PTP4A1: variants seen among roughly 807,000 people sequenced by gnomAD.
PTP4A1 encodes the protein protein tyrosine phosphatase 4A1.
In PTP4A1, 9 loss-of-function variants were observed where a neutral mutation model predicts 20.5. The ratio of observed to expected loss-of-function variants is 0.44; its 90% CI spans 0.26 to 0.77. PTP4A1 has a LOEUF of 0.77. Among genes scored for constraint, PTP4A1 ranks in the 30% least tolerant of loss-of-function variants. The pLI is 0.19. For missense variants in PTP4A1, 137 were observed against 218.8 expected, an observed-to-expected ratio of 0.63 and a Z score of 2.36; for synonymous variants, 78 against 67.4, an observed-to-expected ratio of 1.16 and a Z score of -0.77.
chr6:63,568,731 AATC>A (rs1404827770), upstream of PTP4A1, among the ~76,000 whole-genome samples: 1 of 152,212 alleles, frequency 6.6e-6, no homozygotes, highest in Non-Finnish European at 1.5e-5. Flanking sequence ...TATTTTTAAT[AATC>A]ATATAAGAAA....
chr6:63,579,104 T>G, intron 4 of PTP4A1, 76 bp downstream of exon 4: 1 of 1,406,352 alleles, frequency 7.1e-7, no homozygotes, highest in Non-Finnish European at 9.4e-7. Flanking sequence ...AAAATTCTTA[T>G]AATTTTTTAA....
intron 2 of PTP4A1, among the ~76,000 whole-genome samples, chr6:63,548,373 G>A (rs577202522): frequency 7.9e-5 from 12 of 152,242 alleles, no homozygotes; most frequent in South Asian, 4.1e-4. Flanking sequence ...GAATTTATAC[G>A]TAGAACAGGC....
At chr6:63,538,230 T>C (rs1271895831) in intron 2 of PTP4A1, among the ~76,000 whole-genome samples, 1 of 152,156 alleles carries the variant, frequency 6.6e-6, no homozygotes, top group Non-Finnish European at 1.5e-5. Flanking sequence ...GTTTCCCAAG[T>C]TCTGGTTGGA....
chr6:63,520,670 T>A (rs973650656), upstream of PTP4A1, among the ~76,000 whole-genome samples: 1 of 138,812 alleles, frequency 7.2e-6, no homozygotes, highest in Non-Finnish European at 1.6e-5. Context: ...AATAAATAAA[T>A]AAAATGAAAA....
At chr6:63,530,470 G>C (rs1427220735) in intron 2 of PTP4A1, among the ~76,000 whole-genome samples, 1 of 152,066 alleles carries the variant, frequency 6.6e-6, no homozygotes, top group East Asian at 1.9e-4. Flanking sequence ...AGGCTTAGAC[G>C]CCCAGATGTA....
chr6:63,524,335 A>C (rs74371457), intron 1 of PTP4A1, among the ~76,000 whole-genome samples: 1 of 152,182 alleles, frequency 6.6e-6, no homozygotes, highest in South Asian at 2.1e-4. Context: ...CCTAGAGGAT[A>C]TATTAATGAC....
chr6:63,562,923 A>G (rs1777027719), intron 3 of PTP4A1, among the ~76,000 whole-genome samples: 1 of 152,246 alleles, frequency 6.6e-6, no homozygotes, highest in African/African-American at 2.4e-5. Context: ...ATTCAGCACC[A>G]TAGCATAAAA....
At chr6:63,537,542 G>C (rs960289990) in intron 2 of PTP4A1, among the ~76,000 whole-genome samples, 2 of 152,152 alleles carry the variant, frequency 1.3e-5, no homozygotes, top group Non-Finnish European at 2.9e-5. Flanking sequence ...TCACCCCAGA[G>C]AAAAAAGCCA....
chr6:63,532,387 C>T (rs189048729), intron 2 of PTP4A1, among the ~76,000 whole-genome samples: 63 of 152,202 alleles, frequency 4.1e-4, no homozygotes, highest in Non-Finnish European at 6.9e-4. Context: ...CTTGAATCTC[C>T]TCTATGCTCA....
rs34410399 is a variant in PTP4A1 at position 63,542,061 on chromosome 6, G to GTA, written c.-639-8236_-639-8235dup. ...TGTGTGTGTGTGTGTGTGTGTGTGT[G>GTA]TATACATACACAATGGAATACTACT... is the stretch of plus-strand genomic sequence containing the variant. On this transcript the variant is annotated intron_variant, in intron 2 of 3. Coordinates refer to the PTP4A1 transcript ENST00000639568. 2.2e-5 allele frequency among the ~76,000 whole-genome samples: 3 copies of GTA among 135,494 alleles called. No homozygotes were observed. The East Asian group carries it at 6.5e-4, about 29-fold the overall frequency. The allele number at this position is 135,494 out of a possible 152,430, so 88.9% of individuals were successfully genotyped here. A position where few individuals can be genotyped will look rare whatever the true frequency, so the allele number is the denominator to read the frequency against.
At chr6:63,519,629 A>AT (rs1774851023), upstream of PTP4A1, among the ~76,000 whole-genome samples, 1 of 152,190 alleles carries the variant, frequency 6.6e-6, no homozygotes, top group Admixed American at 6.5e-5. Flanking sequence ...ATTACAGCCC[A>AT]TTATGTGACT....
At position 63,574,798 on chromosome 6, in the gene PTP4A1, G is replaced by A. The variant is rs76844420; in HGVS notation, c.-445-1638G>A. ...AGAATACACTTTTTATTCTACGGAG[G>A]TTGTATTTAGAATTTGGGGTGAAAG... On this transcript the variant is annotated intron_variant, in intron 1 of 5. Transcript: ENST00000626021. 5.5e-3 allele frequency among the ~76,000 whole-genome samples: 844 copies of A among 152,250 alleles called. 6 individuals are homozygous for A. Among genetic ancestry groups the A allele is most frequent in the African/African-American group, 0.019 (782 of 41,534 alleles).
intron 3 of PTP4A1, among the ~76,000 whole-genome samples, chr6:63,563,829 A>C (rs1478485054): frequency 6.6e-6 from 1 of 152,206 alleles, no homozygotes; most frequent in Non-Finnish European, 1.5e-5. Flanking sequence ...CGGGATTGAG[A>C]GACTAAGAAC....
Position 63,583,455 on chromosome 6 carries a change from G to C in PTP4A1, c.*3281G>C, listed in dbSNP as rs1313423481. On this transcript the variant is annotated 3_prime_UTR_variant, in exon 6 of 6. Transcript: ENST00000626021. ...AGTGGAATCTTGGAAGGAAAGTAAG[G>C]GAAAAACTTGTATTTGCCTTCAATG... 6 of 152,098 alleles carry C rather than the reference G, an allele frequency of 3.9e-5. No homozygotes were observed. Among genetic ancestry groups the C allele is most frequent in the Admixed American group, 6.6e-5 (1 of 15,256 alleles). 9.4% of individuals were successfully genotyped at this position (152,098 alleles called of 1,614,324 possible).
chr6:63,539,602 C>T (rs1775866781), intron 2 of PTP4A1, among the ~76,000 whole-genome samples: 1 of 151,960 alleles, frequency 6.6e-6, no homozygotes, highest in Non-Finnish European at 1.5e-5. Context: ...ATGGTGAAAC[C>T]CCGTCTCTAC....
chr6:63,558,073 T>C (rs1054540519), intron 3 of PTP4A1, among the ~76,000 whole-genome samples: 1 of 152,048 alleles, frequency 6.6e-6, no homozygotes, highest in Non-Finnish European at 1.5e-5. Flanking sequence ...GGTTTCACCA[T>C]ATTGGCCAGG....
At chr6:63,535,086 G>T (rs553024193) in intron 2 of PTP4A1, among the ~76,000 whole-genome samples, 1 of 151,982 alleles carries the variant, frequency 6.6e-6, no homozygotes, top group South Asian at 2.1e-4. Flanking sequence ...ATAATTGTAA[G>T]AATGTTAACA....
rs547056272 is a variant in PTP4A1 at position 63,572,537 on chromosome 6, T to C, written c.-628T>C. On this transcript the variant is annotated 5_prime_UTR_variant, in exon 1 of 6. Transcript: ENST00000626021. ...GGGCCGGCTCGGCTACGCGCTCTGC[T>C]CCGAGCCGCTCACTGCATGGTAGAG... The C allele has an allele frequency of 5.1e-6, 2 of 395,260 alleles. No individual in the cohort carries two copies. Among genetic ancestry groups the C allele is most frequent in the East Asian group, 3.6e-5 (1 of 27,714 alleles). 24.5% of individuals were successfully genotyped at this position (395,260 alleles called of 1,614,324 possible).
At chr6:63,517,736 T>C (rs1774782886), upstream of PTP4A1, among the ~76,000 whole-genome samples, 1 of 152,126 alleles carries the variant, frequency 6.6e-6, no homozygotes, top group Non-Finnish European at 1.5e-5. Flanking sequence ...CAGACACTGA[T>C]GGAGAATTAA....
Sources: gnomAD v4.1 joint callset for allele counts (sites outside exome capture counted in the v4.1 genomes callset) on GRCh38, gnomAD v4.1.1 for gene constraint, MANE v1.5 for transcripts, NCBI Gene and HGNC (gene_info 2026-07-23, HGNC 2026-07-21) for gene names.